The following AAR2 variants were observed in gnomAD, a reference collection of about 807,000 sequenced individuals.
The protein encoded by AAR2 is AAR2 splicing factor, also known as protein AAR2 homolog.
In AAR2, 31 loss-of-function variants were observed where a neutral mutation model predicts 26.9. The ratio of observed to expected loss-of-function variants is 1.15; its 90% CI spans 0.86 to 1.55. AAR2 has a LOEUF of 1.55. Ranked by LOEUF, AAR2 falls within the 40% of genes most tolerant of loss-of-function variation. The pLI is 0.00. For missense variants in AAR2, 430 were observed against 491.3 expected (o/e 0.88, Z 1.18); for synonymous variants, 188 against 196.1 (o/e 0.96, Z 0.34).
Position 36,255,644 on chromosome 20 carries a change from C to A in AAR2, c.1054C>A (p.Gln352Lys). The change falls in exon 4 of 4, where the codon CAA becomes AAA. Residue 352 changes from glutamine to lysine, a missense_variant. Coordinates refer to ENST00000320849, the MANE Select transcript of AAR2 (RefSeq NM_001271874.2). The stretch of plus-strand genomic sequence containing the variant: ...CCTGAGAAAGAAAGCTGAAAAGTTC[C>A]AAGCTCACCTGACCAAGAAGTTCCG... ...ATLRKKAEKFQAHLTKKFRWD... is the reference protein window; with the variant it reads ...ATLRKKAEKFKAHLTKKFRWD... 3 of 1,614,154 alleles carry A rather than the reference C, an allele frequency of 1.9e-6. No individual in the cohort carries two copies. The highest frequency in any genetic ancestry group is 2.5e-6 in the Non-Finnish European group (3 of 1,180,030).
At chr20:36,247,290 TTTACCAGCCTCCGTGC>T (rs918306312) in intron 3 of AAR2, among the ~76,000 whole-genome samples, 1 of 151,990 alleles carries the variant, frequency 6.6e-6, no homozygotes, top group African/African-American at 2.4e-5. Flanking sequence ...TGCATCGGAG[TTTACCAGCCTCCGTGC>T]TTACCAGTTA....
chr20:36,253,822 A>C (rs2147300074), intron 3 of AAR2, among the ~76,000 whole-genome samples: 1 of 152,368 alleles, frequency 6.6e-6, no homozygotes, highest in South Asian at 2.1e-4. Context: ...ACAAATGGCC[A>C]ATGTGCACAT....
intron 3 of AAR2, among the ~76,000 whole-genome samples, chr20:36,248,155 T>G (rs749430599): frequency 6.6e-6 from 1 of 152,098 alleles, no homozygotes. Context: ...TCTGTCTCAA[T>G]CTCTGTCTCT....
At position 36,244,579 on chromosome 20, in the gene AAR2, G is replaced by A. The variant is rs115016138; in HGVS notation, c.758-118G>A. ...TGCCAGGCTCTGCAGGAGTGACAAGGATAAAAGCTCATCTGTTGCTGAGGT... is the reference window on the plus strand; with the variant it reads ...TGCCAGGCTCTGCAGGAGTGACAAGAATAAAAGCTCATCTGTTGCTGAGGT... On this transcript the variant is annotated intron_variant, in intron 2 of 3. Transcript: ENST00000320849. The A allele has an allele frequency of 1.9e-3, 1,852 of 954,234 alleles. 20 individuals carry two copies. The African/African-American group carries it at 0.027, about 14-fold the overall frequency. 59.1% of individuals were successfully genotyped at this position (954,234 alleles called of 1,614,324 possible). A position where few individuals can be genotyped will look rare whatever the true frequency, so the allele number is the denominator to read the frequency against.
chr20:36,243,506 T>A (rs2064704006), intron 2 of AAR2, among the ~76,000 whole-genome samples: 1 of 152,174 alleles, frequency 6.6e-6, no homozygotes, highest in South Asian at 2.1e-4. Flanking sequence ...GTTGAGTACA[T>A]CTCTTCTTTT....
At chr20:36,252,403 T>C (rs1306349935) in intron 3 of AAR2, among the ~76,000 whole-genome samples, 1 of 152,148 alleles carries the variant, frequency 6.6e-6, no homozygotes, top group African/African-American at 2.4e-5. Flanking sequence ...GTGAGGTTGC[T>C]CCGTGTCTGG....
Position 36,240,400 on chromosome 20 carries a change from C to G in AAR2, c.532C>G (p.Leu178Val). 6.2e-7 allele frequency: 1 copy of G among 1,614,274 alleles called. No individual in the cohort carries two copies. Among genetic ancestry groups the G allele is most frequent in the Middle Eastern group, 1.6e-4 (1 of 6,062 alleles). ...CACCAAGGACCGCGTGGGGCAGAAT[C>G]TACCCCGCTGTGGCATTGAGTGCAA... ...KHTKDRVGQN[L>V]PRCGIECKSY... The change falls in exon 2 of 4, where the codon CTA (leucine) becomes GTA (valine). Residue 178 changes from leucine (L) to valine (V), a missense_variant. Physicochemically the swap from Leu to Val is conservative, Grantham distance 32. Coordinates refer to ENST00000320849, the MANE Select transcript of AAR2 (RefSeq NM_001271874.2).
At position 36,240,599 on chromosome 20, in the gene AAR2, TC is replaced by T; in HGVS notation, c.735del (p.Ser246AlafsTer33). The part of the protein sequence containing the change: ...YALETVLNKQ[F>X]PSSPQDVLGE... ...CTGGAGACTGTGCTCAACAAGCAGT[TC>T]CCCAGCAGCCCCCAGGATGTGCTTG... is the stretch of plus-strand genomic sequence containing the variant. On this transcript the variant is annotated frameshift_variant, in exon 2 of 4. Transcript: ENST00000320849. LOFTEE classifies it high-confidence loss of function. 1 of 1,611,480 alleles carries T rather than the reference TC, an allele frequency of 6.2e-7. No individual in the cohort carries two copies. Among genetic ancestry groups the T allele is most frequent in the African/African-American group, 1.3e-5 (1 of 74,946 alleles).
intron 3 of AAR2, among the ~76,000 whole-genome samples, chr20:36,253,817 T>C (rs1470076507): frequency 6.6e-6 from 1 of 152,198 alleles, no homozygotes; most frequent in East Asian, 1.9e-4. Context: ...GATATACAAA[T>C]GGCCAATGTG....
At position 36,249,948 on chromosome 20, in the gene AAR2, C is replaced by T. The variant is rs188613034; in HGVS notation, c.987+5022C>T. Among the ~76,000 whole-genome samples the T allele has an allele frequency of 3.3e-5, 5 of 152,330 alleles. No homozygotes were observed. The East Asian group carries it at 9.6e-4, about 29-fold the overall frequency. On this transcript the variant is annotated intron_variant, in intron 3 of 3. Coordinates refer to ENST00000320849, the MANE Select transcript of AAR2 (RefSeq NM_001271874.2). ...TGTGAAACAATAGTCTTGCTTTTAA[C>T]ACCACTTTCTTCTGCTGCAAGTGGA... is the stretch of plus-strand genomic sequence containing the variant.
chr20:36,239,772 A>G (rs1442175399), intron 1 of AAR2, 49 bp from the exon 2 acceptor site: 2 of 1,412,268 alleles, frequency 1.4e-6, no homozygotes, highest in African/African-American at 1.4e-5. Flanking sequence ...TAGCAAATGA[A>G]GCATCTTTCC....
chr20:36,237,057 C>T (rs907087669), intron 1 of AAR2, among the ~76,000 whole-genome samples: 2 of 152,014 alleles, frequency 1.3e-5, no homozygotes, highest in Non-Finnish European at 2.9e-5. Context: ...GAGCTGAGAT[C>T]AGAAAAAAGG....
intron 2 of AAR2, among the ~76,000 whole-genome samples, chr20:36,241,897 C>G (rs1384540332): frequency 6.6e-6 from 1 of 152,160 alleles, no homozygotes; most frequent in African/African-American, 2.4e-5. Context: ...TGCATCCTTG[C>G]TGGCTGGTAG....
At position 36,244,684 on chromosome 20, in the gene AAR2, C is replaced by G. The variant is rs1043152983; in HGVS notation, c.758-13C>G. On this transcript the variant is annotated splice_polypyrimidine_tract_variant and intron_variant, in intron 2 of 3. Coordinates refer to ENST00000320849, the MANE Select transcript of AAR2 (RefSeq NM_001271874.2). ...TCTCCCTCAGAATCACTTCTCCTCTCTGCACCTTTCAGGTGAACTCCAGTT... is the reference window on the plus strand; with the variant it reads ...TCTCCCTCAGAATCACTTCTCCTCTGTGCACCTTTCAGGTGAACTCCAGTT... 1.2e-6 allele frequency: 2 copies of G among 1,604,312 alleles called. No homozygotes were observed. Among genetic ancestry groups the G allele is most frequent in the African/African-American group, 2.7e-5 (2 of 74,126 alleles).
In AAR2 at chr20:36,240,215, A is replaced by G; in HGVS notation, c.347A>G (p.Gln116Arg). 6.2e-7 allele frequency: 1 copy of G among 1,614,202 alleles called. No individual in the cohort carries two copies. Among genetic ancestry groups the G allele is most frequent in the Non-Finnish European group, 8.5e-7 (1 of 1,180,034 alleles). Residue 116 changes from glutamine (Q) to arginine (R), a missense_variant, in exon 2 of 4, where the codon CAG (glutamine) becomes CGG (arginine). Transcript: ENST00000320849. ...SEVEAMRANL[Q>R]ELDQFLGPYP... The stretch of plus-strand genomic sequence containing the variant: ...GTGGAGGCCATGAGGGCCAACCTCC[A>G]GGAGCTGGACCAGTTCCTGGGGCCT...
chr20:36,247,057 G>A (rs1180995727), intron 3 of AAR2, among the ~76,000 whole-genome samples: 1 of 152,222 alleles, frequency 6.6e-6, no homozygotes, highest in African/African-American at 2.4e-5. Context: ...TGGGAATATA[G>A]CTGTGAGCAA....
rs142460450 is a variant in AAR2, at chr20:36,240,118, C to T, written c.250C>T (p.Arg84Trp). The change falls in exon 2 of 4, where the codon CGG becomes TGG. Residue 84 changes from arginine (R) to tryptophan (W), a missense_variant. Physicochemically the swap from Arg to Trp is moderately radical, Grantham distance 101 (BLOSUM62 -3). Coordinates refer to ENST00000320849, the MANE Select transcript of AAR2 (RefSeq NM_001271874.2). Reference protein sequence around the residue: ...RMGFFLSLHQRGLTVLRWSTL... With the variant: ...RMGFFLSLHQWGLTVLRWSTL... ...GGGTTTCTTCCTTAGCCTGCACCAG[C>T]GGGGGCTGACAGTGCTGCGCTGGAG... 463 of 1,614,098 alleles carry T rather than the reference C, an allele frequency of 2.9e-4. 1 individual carries two copies. The highest frequency in any genetic ancestry group is 2.5e-4 in the Admixed American group (15 of 60,006).
chr20:36,242,503 G>T (rs1008831269), intron 2 of AAR2, among the ~76,000 whole-genome samples: 2 of 151,908 alleles, frequency 1.3e-5, no homozygotes, highest in African/African-American at 4.8e-5. Context: ...CCATTCTCCT[G>T]CCTCAGCCTC....
At chr20:36,254,304 C>A (rs2064802802) in intron 3 of AAR2, among the ~76,000 whole-genome samples, 1 of 152,136 alleles carries the variant, frequency 6.6e-6, no homozygotes, top group Admixed American at 6.5e-5. Flanking sequence ...CATTAATGAA[C>A]CTTGAAGGAT....
Sources: gnomAD v4.1 joint callset for allele counts (sites outside exome capture counted in the v4.1 genomes callset) on GRCh38, gnomAD v4.1.1 for gene constraint, MANE v1.5 for transcripts, NCBI Gene and HGNC (gene_info 2026-07-23, HGNC 2026-07-21) for gene names.